Variants in GALNT13 observed in about 807,000 individuals in gnomAD.
GALNT13 encodes the protein polypeptide N-acetylgalactosaminyltransferase 13.
Under a neutral mutation model 64.2 loss-of-function variants are expected in GALNT13, and 28 were observed. The ratio of observed to expected loss-of-function variants is 0.44; its 90% CI spans 0.32 to 0.60. The LOEUF is 0.60. Among genes scored for constraint, GALNT13 ranks in the 20% least tolerant of loss-of-function variants. GALNT13 has a pLI of 0.05. For synonymous variants in GALNT13, 214 were observed against 224.6 expected (o/e 0.95, Z 0.42); for missense variants, 577 against 669.8 (o/e 0.86, Z 1.53).
At chr2:154,046,969 G>A (rs989183052) in intron 3 of GALNT13, among the ~76,000 whole-genome samples, 1 of 151,690 alleles carries the variant, frequency 6.6e-6, no homozygotes, top group Admixed American at 6.6e-5. Flanking sequence ...CATAGAAAAC[G>A]TAATATACAG....
the GALNT13 span, among the ~76,000 whole-genome samples, chr2:153,622,321 C>T: frequency 1.7e-4 from 26 of 152,096 alleles, no homozygotes; most frequent in Non-Finnish European, 1.6e-4. Context: ...GTGATATTGA[C>T]GGGAAATTAG....
At chr2:153,260,299 A>G in the GALNT13 span, among the ~76,000 whole-genome samples, 1 of 152,192 alleles carries the variant, frequency 6.6e-6, no homozygotes, top group Admixed American at 6.5e-5. Context: ...TGAATTTTAT[A>G]CCTTCACATG....
intron 2 of GALNT13, among the ~76,000 whole-genome samples, chr2:153,934,537 CATGAACCATCAA>C (rs1690761279): frequency 6.6e-6 from 1 of 152,180 alleles, no homozygotes. Flanking sequence ...ACAGGAAGTA[CATGAACCATCAA>C]ATGTCACGTG....
At chr2:153,616,820 T>C in the GALNT13 span, among the ~76,000 whole-genome samples, 1 of 152,062 alleles carries the variant, frequency 6.6e-6, no homozygotes, top group Non-Finnish European at 1.5e-5. Context: ...AATAGTTTTC[T>C]TGTGGAGTCT....
At chr2:154,450,301 T>G (rs1376259362) in intron 12 of GALNT13, 110 bp from the exon 13 acceptor site, 1 of 893,702 alleles carries the variant, frequency 1.1e-6, no homozygotes, top group East Asian at 2.6e-5. Context: ...TATCACAGTG[T>G]ATTATACTAT....
At chr2:154,251,246 T>C (rs1243867520) in intron 7 of GALNT13, among the ~76,000 whole-genome samples, 1 of 152,092 alleles carries the variant, frequency 6.6e-6, no homozygotes, top group African/African-American at 2.4e-5. Flanking sequence ...CCCCATTGTT[T>C]ATTTTGATCC....
chr2:153,152,411 CT>C, the GALNT13 span, among the ~76,000 whole-genome samples: 12 of 148,740 alleles, frequency 8.1e-5, no homozygotes, highest in African/African-American at 2.0e-4. Flanking sequence ...CACACACTTT[CT>C]TTTTTTTTCA....
intron 3 of GALNT13, among the ~76,000 whole-genome samples, chr2:154,072,450 G>T (rs984431323): frequency 1.3e-5 from 2 of 152,048 alleles, no homozygotes; most frequent in South Asian, 4.1e-4. Flanking sequence ...TATGATCAAA[G>T]AGACTGGAGC....
intron 2 of GALNT13, among the ~76,000 whole-genome samples, chr2:153,909,041 G>A (rs1440151057): frequency 2.6e-5 from 4 of 151,846 alleles, no homozygotes; most frequent in African/African-American, 7.2e-5. Context: ...TGAACATGGA[G>A]TGTTTTTCTA....
chr2:153,870,876 C>G (rs560301037), upstream of GALNT13, among the ~76,000 whole-genome samples: 15 of 151,940 alleles, frequency 9.9e-5, no homozygotes, highest in Non-Finnish European at 2.2e-4. Flanking sequence ...GCAAGGACCC[C>G]TGTCAGCCCT....
chr2:154,350,588 A>G (rs1308523445), intron 9 of GALNT13, among the ~76,000 whole-genome samples: 1 of 152,190 alleles, frequency 6.6e-6, no homozygotes, highest in African/African-American at 2.4e-5. Context: ...CTATTGTGGA[A>G]CTTCACCGTG....
rs537300147 is a variant in GALNT13, at chr2:154,118,377, C to A, written c.143-21960C>A. On this transcript the variant is annotated intron_variant, in intron 3 of 12. Coordinates refer to ENST00000392825, the MANE Select transcript of GALNT13 (RefSeq NM_052917.4). ...TTTGAGATTCACTTGTGTGGAATAT[C>A]TTTTATATTCCTTCACTTTCAGTTA... Among the ~76,000 whole-genome samples the A allele has an allele frequency of 3.0e-3, 436 of 143,486 alleles. 5 individuals carry two copies. In the South Asian group the frequency reaches 0.05, roughly 16 times the overall value. The allele number at this position is 143,486 out of a possible 152,430, so 94.1% of individuals were successfully genotyped here. A position where few individuals can be genotyped will look rare whatever the true frequency, so the allele number is the denominator to read the frequency against.
the GALNT13 span, among the ~76,000 whole-genome samples, chr2:153,484,861 C>T: frequency 6.6e-6 from 1 of 152,166 alleles, no homozygotes; most frequent in East Asian, 1.9e-4. Flanking sequence ...TTTCTGCCTC[C>T]TATTGCCAGT....
At chr2:153,789,934 T>G in the GALNT13 span, among the ~76,000 whole-genome samples, 1 of 152,104 alleles carries the variant, frequency 6.6e-6, no homozygotes, top group East Asian at 1.9e-4. Context: ...ATTGACTCAA[T>G]AATAAATAGT....
At chr2:153,483,490 C>T in the GALNT13 span, among the ~76,000 whole-genome samples, 1 of 141,746 alleles carries the variant, frequency 7.1e-6, no homozygotes. Flanking sequence ...AATCTCAGCT[C>T]ACCGCAACCT....
At chr2:153,466,520 C>G in the GALNT13 span, among the ~76,000 whole-genome samples, 1 of 151,686 alleles carries the variant, frequency 6.6e-6, no homozygotes, top group Non-Finnish European at 1.5e-5. Context: ...AGAACCCATT[C>G]TAAGATTGTA....
chr2:153,345,719 G>GTCCTTCCTTCCT, the GALNT13 span, among the ~76,000 whole-genome samples: 2,218 of 79,812 alleles, frequency 0.028, 100 homozygotes, highest in African/African-American at 0.045. Flanking sequence ...CTCTCTTTCT[G>GTCCTTCCTTCCT]TCCTTCCTTC....
intron 8 of GALNT13, among the ~76,000 whole-genome samples, chr2:154,296,612 G>A (rs1401504865): frequency 6.6e-6 from 1 of 152,204 alleles, no homozygotes; most frequent in Non-Finnish European, 1.5e-5. Context: ...GTCACAGAAT[G>A]AATGTTGAGT....
the GALNT13 span, among the ~76,000 whole-genome samples, chr2:153,721,834 T>G: frequency 6.6e-6 from 1 of 151,652 alleles, no homozygotes; most frequent in African/African-American, 2.4e-5. Flanking sequence ...ACAAAGAGAC[T>G]TAGACTCCCA....
Sources: gnomAD v4.1 joint callset for allele counts (sites outside exome capture counted in the v4.1 genomes callset) on GRCh38, gnomAD v4.1.1 for gene constraint, MANE v1.5 for transcripts, NCBI Gene and HGNC (gene_info 2026-07-23, HGNC 2026-07-21) for gene names.